Variants in PDE4B observed in about 807,000 individuals in gnomAD.
PDE4B encodes phosphodiesterase 4B.
In PDE4B, 20 loss-of-function variants were observed where a neutral mutation model predicts 82.2. The observed-to-expected ratio is 0.24, with a 90% confidence interval of 0.17 to 0.35. The LOEUF (loss-of-function observed/expected upper bound fraction) is 0.35, where lower values mean the gene tolerates loss of function less well. PDE4B is among the 10% of genes least tolerant of loss of function. The probability of loss-of-function intolerance (pLI) is 1.00; values close to 1 mark genes in which losing one functional copy is unlikely to be tolerated. For missense variants in PDE4B, 655 were observed against 907.2 expected (o/e 0.72, Z 3.57); for synonymous variants, 320 against 318.9 (o/e 1.00, Z -0.04).
intron 1 of PDE4B, among the ~76,000 whole-genome samples, chr1:65,911,000 T>G (rs1647084338): frequency 6.6e-6 from 1 of 152,212 alleles, no homozygotes; most frequent in Non-Finnish European, 1.5e-5. Flanking sequence ...GTATTTTTAT[T>G]GTAGAACATT....
At chr1:65,832,699 G>A (rs12410242) in intron 1 of PDE4B, among the ~76,000 whole-genome samples, 4,633 of 152,246 alleles carry the variant, frequency 0.03, 178 homozygotes, top group East Asian at 0.13. Context: ...AGTCCTGGTA[G>A]GATAGAAGTC....
intron 8 of PDE4B, among the ~76,000 whole-genome samples, chr1:66,339,027 A>T (rs1286140133): frequency 6.6e-6 from 1 of 151,952 alleles, no homozygotes; most frequent in East Asian, 1.9e-4. Flanking sequence ...TCAAAAAAAA[A>T]AAAAAAAAAA....
rs568797383 is a variant in PDE4B, at chr1:66,302,470, G to T, written c.635-30038G>T. On this transcript the variant is annotated intron_variant, in intron 7 of 16. Transcript: ENST00000341517. ...TAGCTTTCATTTGTTGAGCAAATCT[G>T]GATGGGCAATTGAGGTGGAAACAGG... 4.6e-5 allele frequency among the ~76,000 whole-genome samples: 7 copies of T among 152,234 alleles called. No individual in the cohort carries two copies. The South Asian group carries it at 1.5e-3, about 32-fold the overall frequency.
chr1:66,354,953 G>T lies in PDE4B; in HGVS notation c.748-574G>T, dbSNP rs559146699. On this transcript the variant is annotated intron_variant, in intron 8 of 16. Coordinates refer to ENST00000341517, the MANE Select transcript of PDE4B (RefSeq NM_002600.4). Reference sequence around the variant, plus strand: ...TAAAATGTGAAACGTACCTCTGTGTGTTTTTTTGTGAAGTACAGGACATCT... The same window carrying T: ...TAAAATGTGAAACGTACCTCTGTGTTTTTTTTTGTGAAGTACAGGACATCT... 8 of 1,460,796 alleles carry T rather than the reference G, an allele frequency of 5.5e-6. No homozygotes were observed. In the Admixed American group the frequency reaches 1.2e-4, roughly 22 times the overall value. The allele number at this position is 1,460,796 out of a possible 1,614,324, so 90.5% of individuals were successfully genotyped here.
At chr1:66,244,086 G>T (rs1653098956) in intron 3 of PDE4B, among the ~76,000 whole-genome samples, 1 of 152,178 alleles carries the variant, frequency 6.6e-6, no homozygotes. Context: ...ACATTATTCA[G>T]AATTGCAAAT....
At chr1:66,229,300 T>C (rs988404519) in intron 3 of PDE4B, among the ~76,000 whole-genome samples, 3 of 152,074 alleles carry the variant, frequency 2.0e-5, no homozygotes, top group African/African-American at 4.8e-5. Flanking sequence ...TGAGCCACCA[T>C]GCCCGGCCCC....
chr1:66,348,036 G>T (rs1661538625), intron 8 of PDE4B, among the ~76,000 whole-genome samples: 1 of 152,180 alleles, frequency 6.6e-6, no homozygotes, highest in Non-Finnish European at 1.5e-5. Context: ...GTCAGGAAAG[G>T]ACACTAGACT....
intron 7 of PDE4B, among the ~76,000 whole-genome samples, chr1:66,297,437 C>A (rs1657589903): frequency 6.6e-6 from 1 of 151,948 alleles, no homozygotes; most frequent in African/African-American, 2.4e-5. Context: ...TACAAAAAAC[C>A]CACAAACTTT....
chr1:66,284,585 G>T (rs1274681927), intron 7 of PDE4B, among the ~76,000 whole-genome samples: 1 of 152,108 alleles, frequency 6.6e-6, no homozygotes, highest in Non-Finnish European at 1.5e-5. Context: ...TTGAGCCCAG[G>T]AGTTTGAAGC....
chr1:65,976,794 A>G (rs1650432413), intron 3 of PDE4B, among the ~76,000 whole-genome samples: 1 of 152,052 alleles, frequency 6.6e-6, no homozygotes, highest in African/African-American at 2.4e-5. Flanking sequence ...TTCCATCATG[A>G]TTTAAGTTTC....
chr1:66,278,174 A>G (rs997670692), intron 7 of PDE4B, among the ~76,000 whole-genome samples: 9 of 152,274 alleles, frequency 5.9e-5, no homozygotes, highest in Admixed American at 1.3e-4. Flanking sequence ...ACAAGGAAAG[A>G]GAGGTAGTGC....
At chr1:66,074,545 A>C (rs775739154) in intron 3 of PDE4B, among the ~76,000 whole-genome samples, 64 of 152,146 alleles carry the variant, frequency 4.2e-4, no homozygotes, top group Non-Finnish European at 8.1e-4. Flanking sequence ...GTACATAAAC[A>C]CTATTTTGCA....
chr1:66,096,541 T>TATATATATATATAC (rs1557558033), intron 3 of PDE4B, among the ~76,000 whole-genome samples: 6 of 144,638 alleles, frequency 4.1e-5, no homozygotes, highest in Admixed American at 1.4e-4. Flanking sequence ...TATATATATA[T>TATATATATATATAC]ACTGCATTTC....
chr1:66,063,797 C>T (rs1042976762), intron 3 of PDE4B, among the ~76,000 whole-genome samples: 6 of 151,728 alleles, frequency 4.0e-5, no homozygotes, highest in Admixed American at 2.0e-4. Flanking sequence ...TAGGAAATGT[C>T]TAAATGTGTT....
At chr1:66,017,908 A>G (rs1652869659) in intron 3 of PDE4B, among the ~76,000 whole-genome samples, 2 of 152,138 alleles carry the variant, frequency 1.3e-5, no homozygotes, top group Non-Finnish European at 2.9e-5. Flanking sequence ...ACTGAGTTGT[A>G]TGTGGAAATT....
intron 8 of PDE4B, among the ~76,000 whole-genome samples, chr1:66,348,586 A>T (rs1661583583): frequency 6.6e-6 from 1 of 151,886 alleles, no homozygotes; most frequent in Non-Finnish European, 1.5e-5. Context: ...TAAACTTAAC[A>T]TATATAATGA....
chr1:66,039,579 T>C (rs1295552828), intron 3 of PDE4B, among the ~76,000 whole-genome samples: 13 of 152,070 alleles, frequency 8.5e-5, no homozygotes, highest in Admixed American at 8.5e-4. Context: ...ATATCTATAA[T>C]CTTTCTATCT....
At chr1:66,105,420 C>T (rs181323259) in intron 3 of PDE4B, among the ~76,000 whole-genome samples, 4,579 of 151,920 alleles carry the variant, frequency 0.03, 248 homozygotes, top group African/African-American at 0.1. Context: ...CTTGGCGATG[C>T]GGGCTCTTTT....
chr1:65,823,644 T>C (rs1192710319), intron 1 of PDE4B, among the ~76,000 whole-genome samples: 1 of 152,126 alleles, frequency 6.6e-6, no homozygotes, highest in Admixed American at 6.6e-5. Flanking sequence ...TGGACCCTAG[T>C]TCTGACTGAT....
Sources: allele counts gnomAD v4.1 joint callset (sites outside exome capture counted in the v4.1 genomes callset), GRCh38; gene constraint gnomAD v4.1.1; transcripts MANE v1.5; gene names NCBI Gene and HGNC (gene_info 2026-07-23, HGNC 2026-07-21).